Variants in CERKL observed in about 807,000 individuals in gnomAD.
The protein encoded by CERKL is CERK like autophagy regulator, also known as ceramide kinase-like protein.
CERKL carries 61 observed loss-of-function variants against 63.4 expected under a neutral mutation model. The ratio of observed to expected loss-of-function variants is 0.96; its 90% CI spans 0.78 to 1.19. The LOEUF (loss-of-function observed/expected upper bound fraction) is 1.19. CERKL is among the 50% of genes most tolerant of loss of function. The probability of loss-of-function intolerance (pLI) is 0.00; values close to 1 mark genes in which losing one functional copy is unlikely to be tolerated. For synonymous variants in CERKL, 250 were observed against 230.5 expected (o/e 1.08, Z -0.77); for missense variants, 675 against 655.5 (o/e 1.03, Z -0.33).
chr2:181,594,033 C>T (rs1282509435), intron 2 of CERKL, among the ~76,000 whole-genome samples: 3 of 152,122 alleles, frequency 2.0e-5, no homozygotes, highest in Non-Finnish European at 4.4e-5. Context: ...AATAAAAGTG[C>T]TGTGATAAGG....
intron 2 of CERKL, among the ~76,000 whole-genome samples, chr2:181,601,957 G>T (rs1404938215): frequency 2.0e-5 from 3 of 152,146 alleles, no homozygotes; most frequent in Non-Finnish European, 4.4e-5. Flanking sequence ...CATTTTCAGA[G>T]GATGGTAGAC....
In CERKL at chr2:181,538,002, G is replaced by T. The variant is rs1369702804; in HGVS notation, c.*182C>A. ...ATCTAGAGTGCCATGTTCCTCAAGA[G>T]AATCTAATGCCTGATGATCTGAGGT... On this transcript the variant is annotated 3_prime_UTR_variant, in exon 13 of 13. Coordinates refer to ENST00000410087, the MANE Select transcript of CERKL (RefSeq NM_201548.5). The T allele has an allele frequency of 5.9e-6, 4 of 682,016 alleles. No homozygotes were observed. The highest frequency in any genetic ancestry group is 4.5e-5 in the South Asian group (3 of 66,256). 42.2% of individuals were successfully genotyped at this position (682,016 alleles called of 1,614,324 possible).
intron 8 of CERKL, 131 bp from the exon 9 acceptor site, chr2:181,547,978 TTAGA>T (rs1200146326): frequency 5.6e-5 from 48 of 853,936 alleles, no homozygotes; most frequent in Middle Eastern, 4.7e-4. Flanking sequence ...CTTTCTTCAA[TTAGA>T]TAGTAAGTAA....
At chr2:181,549,527 AG>A in intron 6 of CERKL, 106 bp downstream of exon 6, 1 of 883,746 alleles carries the variant, frequency 1.1e-6, no homozygotes, top group Non-Finnish European at 1.9e-6. Context: ...CTACTCTAAG[AG>A]ACAAAGAACC....
chr2:181,635,477 T>A (rs1479521368), intron 1 of CERKL, among the ~76,000 whole-genome samples: 1 of 152,172 alleles, frequency 6.6e-6, no homozygotes, highest in Non-Finnish European at 1.5e-5. Flanking sequence ...AAATGTATTA[T>A]GTTCACCAAG....
chr2:181,593,776 T>C (rs1224659917), intron 2 of CERKL, among the ~76,000 whole-genome samples: 1 of 151,872 alleles, frequency 6.6e-6, no homozygotes, highest in Non-Finnish European at 1.5e-5. Flanking sequence ...CTTTCCAGTG[T>C]TGCGACATTT....
At chr2:181,552,625 A>G (rs1191008032) in intron 5 of CERKL, among the ~76,000 whole-genome samples, 2 of 152,170 alleles carry the variant, frequency 1.3e-5, no homozygotes, top group Admixed American at 1.3e-4. Flanking sequence ...GGCTAAAACA[A>G]TAGTTAGTAA....
At chr2:181,592,994 A>G (rs1481001306) in intron 2 of CERKL, among the ~76,000 whole-genome samples, 1 of 152,138 alleles carries the variant, frequency 6.6e-6, no homozygotes, top group Non-Finnish European at 1.5e-5. Flanking sequence ...ATTCTATAGA[A>G]GCTCAATACA....
intron 5 of CERKL, among the ~76,000 whole-genome samples, chr2:181,551,745 G>A (rs1293109621): frequency 6.6e-6 from 1 of 151,974 alleles, no homozygotes; most frequent in Non-Finnish European, 1.5e-5. Context: ...AAACATAAAA[G>A]TTTTATACAT....
intron 11 of CERKL, among the ~76,000 whole-genome samples, chr2:181,541,550 GACAAC>G (rs1687507099): frequency 6.6e-6 from 1 of 152,160 alleles, no homozygotes; most frequent in Non-Finnish European, 1.5e-5. Flanking sequence ...ATATTATTCT[GACAAC>G]AAGAGAAAGG....
chr2:181,635,059 T>C (rs573164709), intron 1 of CERKL, among the ~76,000 whole-genome samples: 15 of 152,140 alleles, frequency 9.9e-5, no homozygotes, highest in Non-Finnish European at 1.5e-4. Flanking sequence ...TCTAAGAAGG[T>C]CAAATTTGAA....
intron 1 of CERKL, among the ~76,000 whole-genome samples, chr2:181,614,400 G>T (rs560249225): frequency 6.6e-6 from 1 of 152,160 alleles, no homozygotes. Context: ...AAACCATACT[G>T]AGAGAAAAAA....
Position 181,603,916 on chromosome 2 carries a change from CTTTAG to C in CERKL, c.397_401del (p.Leu133GlufsTer5), listed in dbSNP as rs1457373962. On this transcript the variant is annotated frameshift_variant, in exon 2 of 13. Coordinates refer to ENST00000410087, the MANE Select transcript of CERKL (RefSeq NM_201548.5). LOFTEE classifies it high-confidence loss of function. ...AATTAATAAGATCAAGTGTAGAATT[CTTTAG>C]TTTATTTTGTTCCTTTTTCAAGCAG... The C allele has an allele frequency of 4.3e-6, 7 of 1,612,796 alleles. No homozygotes were observed. The highest frequency in any genetic ancestry group is 1.7e-5 in the Admixed American group (1 of 59,942).
chr2:181,614,695 A>G (rs1033751737), intron 1 of CERKL, among the ~76,000 whole-genome samples: 2 of 152,220 alleles, frequency 1.3e-5, no homozygotes, highest in African/African-American at 4.8e-5. Flanking sequence ...TCCTAATTGT[A>G]TGTAAAAGCT....
chr2:181,566,608 A>G (rs1283067873), intron 3 of CERKL, among the ~76,000 whole-genome samples: 1 of 152,198 alleles, frequency 6.6e-6, no homozygotes, highest in Non-Finnish European at 1.5e-5. Context: ...AAAAAGAGGA[A>G]GAGTTGGATG....
At chr2:181,541,279 T>C (rs1687492289) in intron 11 of CERKL, among the ~76,000 whole-genome samples, 1 of 152,202 alleles carries the variant, frequency 6.6e-6, no homozygotes, top group Non-Finnish European at 1.5e-5. Context: ...AAAGCAGCCA[T>C]GTGCCAGCCA....
intron 1 of CERKL, among the ~76,000 whole-genome samples, chr2:181,628,715 T>C (rs1686819331): frequency 1.3e-5 from 2 of 152,186 alleles, no homozygotes; most frequent in Non-Finnish European, 2.9e-5. Flanking sequence ...ATTTTAGAAT[T>C]AGATTTTGTA....
chr2:181,615,722 C>A (rs1408414446), intron 1 of CERKL, among the ~76,000 whole-genome samples: 1 of 152,128 alleles, frequency 6.6e-6, no homozygotes, highest in Non-Finnish European at 1.5e-5. Flanking sequence ...AAGCAAGGGA[C>A]CAATAAATTT....
chr2:181,549,672 A>G lies in CERKL; in HGVS notation c.857T>C (p.Val286Ala). 6.2e-7 allele frequency: 1 copy of G among 1,612,614 alleles called. No individual in the cohort carries two copies. The highest frequency in any genetic ancestry group is 8.5e-7 in the Non-Finnish European group (1 of 1,178,896). ...TNVLAHSLHG[V>A]PHVITATLHI... is the part of the protein sequence containing the mutation. ...CAATGTTGCAGTTATCACATGAGGA[A>G]CTCCATGAAGAGAATGTGCCAATAC... Residue 286 changes from valine (V) to alanine (A), a missense_variant, in exon 6 of 13, where the codon GTT becomes GCT. Coordinates refer to ENST00000410087, the MANE Select transcript of CERKL (RefSeq NM_201548.5).
Sources: allele counts gnomAD v4.1 joint callset (sites outside exome capture counted in the v4.1 genomes callset), GRCh38; gene constraint gnomAD v4.1.1; transcripts MANE v1.5; gene names NCBI Gene and HGNC (gene_info 2026-07-23, HGNC 2026-07-21).